Variants in DIAPH3 observed in about 807,000 individuals in gnomAD.
DIAPH3 encodes the protein diaphanous related formin 3.
DIAPH3 carries 117 observed loss-of-function variants against 144.3 expected under a neutral mutation model. The observed-to-expected ratio is 0.81, with a 90% CI of 0.70 to 0.95. The LOEUF is 0.95. DIAPH3 is among the 40% of genes least tolerant of loss of function. The pLI is 0.00. For missense variants in DIAPH3, 1,421 were observed against 1,412.7 expected (o/e 1.01, Z -0.09); for synonymous variants, 519 against 488.9 (o/e 1.06, Z -0.81).
intron 27 of DIAPH3, among the ~76,000 whole-genome samples, chr13:59,717,391 T>G (rs1042789238): frequency 1.4e-4 from 22 of 152,294 alleles, no homozygotes; most frequent in African/African-American, 5.3e-4. Context: ...TCACCTTCAG[T>G]GCCATCCAGT....
intron 27 of DIAPH3, among the ~76,000 whole-genome samples, chr13:59,670,230 T>G (rs2032279576): frequency 6.6e-6 from 1 of 152,102 alleles, no homozygotes; most frequent in Non-Finnish European, 1.5e-5. Flanking sequence ...TCATGAGAAG[T>G]AACAGACAAG....
intron 5 of DIAPH3, among the ~76,000 whole-genome samples, chr13:60,019,562 T>C (rs2053869115): frequency 6.8e-6 from 1 of 147,090 alleles, no homozygotes; most frequent in Non-Finnish European, 1.5e-5. Flanking sequence ...GGGGTCTCAA[T>C]ATAGGAGAAA....
chr13:59,992,000 G>C, intron 11 of DIAPH3, 68 bp downstream of exon 11: 1 of 1,198,138 alleles, frequency 8.3e-7, no homozygotes, highest in African/African-American at 1.5e-5. Flanking sequence ...AAATATTTGT[G>C]GCTGAGTATT....
At chr13:60,040,824 T>C (rs2055607484) in intron 5 of DIAPH3, among the ~76,000 whole-genome samples, 1 of 152,078 alleles carries the variant, frequency 6.6e-6, no homozygotes, top group Non-Finnish European at 1.5e-5. Context: ...AAACAGCAGG[T>C]GCTCAATAAT....
intron 25 of DIAPH3, among the ~76,000 whole-genome samples, chr13:59,808,195 T>C (rs559467475): frequency 6.6e-6 from 1 of 151,676 alleles, no homozygotes; most frequent in Non-Finnish European, 1.5e-5. Flanking sequence ...GTTTTATATA[T>C]ATCAAGATAT....
intron 4 of DIAPH3, among the ~76,000 whole-genome samples, chr13:60,083,905 A>T (rs992835685): frequency 7.7e-6 from 1 of 129,526 alleles, no homozygotes; most frequent in Non-Finnish European, 1.6e-5. Flanking sequence ...CTATGGATGG[A>T]CAGATGGATG....
At position 59,702,063 on chromosome 13, in the gene DIAPH3, A is replaced by G. The variant is rs893476874; in HGVS notation, c.3320-35217T>C. 2.0e-5 allele frequency among the ~76,000 whole-genome samples: 3 copies of G among 152,198 alleles called. No homozygotes were observed. In the East Asian group the frequency reaches 5.8e-4, roughly 29 times the overall value. On this transcript the variant is annotated intron_variant, in intron 27 of 27. Transcript: ENST00000400324. ...ACTGTTTGTTTTCCTTTCCTAAGAT[A>G]GTTCCTTTACTGTAAGTAAACCTCT...
At chr13:59,886,456 A>C (rs2045457054) in intron 20 of DIAPH3, among the ~76,000 whole-genome samples, 2 of 152,078 alleles carry the variant, frequency 1.3e-5, no homozygotes, top group South Asian at 4.1e-4. Context: ...TGTCCTTTGC[A>C]TACCATATGA....
At position 59,731,303 on chromosome 13, in the gene DIAPH3, T is replaced by C. The variant is rs561659515; in HGVS notation, c.3319+42886A>G. Among the ~76,000 whole-genome samples the C allele has an allele frequency of 5.9e-5, 9 of 152,294 alleles. No individual in the cohort carries two copies. The South Asian group carries it at 1.2e-3, about 21-fold the overall frequency. On this transcript the variant is annotated intron_variant, in intron 27 of 27. Coordinates refer to ENST00000400324, the MANE Select transcript of DIAPH3 (RefSeq NM_001042517.2). Reference sequence around the variant, plus strand: ...CCTGGAGCAACACAATGAACCTCTATGGAATGAATTTCTTAGCATTAAACT... The same window carrying C: ...CCTGGAGCAACACAATGAACCTCTACGGAATGAATTTCTTAGCATTAAACT...
intron 1 of DIAPH3, among the ~76,000 whole-genome samples, chr13:60,155,062 C>T (rs796533717): frequency 2.2e-4 from 34 of 152,204 alleles, no homozygotes; most frequent in African/African-American, 5.8e-4. Context: ...AATAAAGTTA[C>T]GCCATAAAGT....
At chr13:59,723,878 G>T (rs912800237) in intron 27 of DIAPH3, among the ~76,000 whole-genome samples, 6 of 150,566 alleles carry the variant, frequency 4.0e-5, no homozygotes, top group African/African-American at 1.5e-4. Context: ...CTCCCAAAGT[G>T]CTGGGATTAC....
At chr13:60,132,443 T>G (rs1362804093) in intron 2 of DIAPH3, among the ~76,000 whole-genome samples, 1 of 152,186 alleles carries the variant, frequency 6.6e-6, no homozygotes, top group East Asian at 1.9e-4. Context: ...CAGAAAAACT[T>G]ACTTGACTAT....
intron 27 of DIAPH3, 129 bp downstream of exon 27, chr13:59,774,060 A>T: frequency 2.2e-6 from 2 of 900,300 alleles, no homozygotes; most frequent in Non-Finnish European, 3.5e-6. Flanking sequence ...GCAAATATGT[A>T]CATGCACACA....
chr13:59,837,804 G>A (rs749163509), intron 23 of DIAPH3: 1 of 150,570 alleles, frequency 6.6e-6, no homozygotes, highest in African/African-American at 2.4e-5. Flanking sequence ...TTACTCAGTA[G>A]GGTGATAAAG....
chr13:59,955,082 A>G (rs1459446205), intron 17 of DIAPH3, among the ~76,000 whole-genome samples: 1 of 12,628 alleles, frequency 7.9e-5, no homozygotes, highest in African/African-American at 5.5e-4. Context: ...ATATACATGT[A>G]TATATATATA....
At chr13:60,049,909 G>A (rs2141239463) in intron 4 of DIAPH3, among the ~76,000 whole-genome samples, 1 of 152,330 alleles carries the variant, frequency 6.6e-6, no homozygotes, top group South Asian at 2.1e-4. Flanking sequence ...CGCTTGTGCG[G>A]CTAAGCATGG....
chr13:60,118,246 C>A (rs1473385296), intron 2 of DIAPH3, among the ~76,000 whole-genome samples: 3 of 152,072 alleles, frequency 2.0e-5, no homozygotes, highest in African/African-American at 7.2e-5. Context: ...AAAAAACTAT[C>A]TGAATTTTTA....
intron 17 of DIAPH3, among the ~76,000 whole-genome samples, chr13:59,938,631 A>C (rs949053399): frequency 3.3e-5 from 5 of 152,048 alleles, no homozygotes; most frequent in Non-Finnish European, 7.4e-5. Flanking sequence ...AAATTAATAA[A>C]ATGCCCAGCT....
chr13:59,907,996 T>G (rs2046817763), intron 20 of DIAPH3, among the ~76,000 whole-genome samples: 2 of 152,174 alleles, frequency 1.3e-5, no homozygotes. Flanking sequence ...GAAATTGACA[T>G]AATTCCCACA....
Sources: allele counts gnomAD v4.1 joint callset (sites outside exome capture counted in the v4.1 genomes callset), GRCh38; gene constraint gnomAD v4.1.1; transcripts MANE v1.5; gene names NCBI Gene and HGNC (gene_info 2026-07-23, HGNC 2026-07-21).